The following PDE3B variants were observed in gnomAD, a reference collection of about 807,000 sequenced individuals.
The protein encoded by PDE3B is phosphodiesterase 3B, also known as cGMP-inhibited 3',5'-cyclic phosphodiesterase 3B.
A neutral mutation model predicts 116.8 loss-of-function variants in PDE3B; 66 were observed. The ratio of observed to expected loss-of-function variants is 0.56; its 90% CI spans 0.46 to 0.69. The LOEUF (loss-of-function observed/expected upper bound fraction) is 0.69, where lower values mean the gene tolerates loss of function less well. PDE3B is among the 30% of genes least tolerant of loss of function. The pLI is 0.00. For synonymous variants in PDE3B, 595 were observed against 533.6 expected, an observed-to-expected ratio of 1.12 and a Z score of -1.59; for missense variants, 1,384 against 1,368.1, an observed-to-expected ratio of 1.01 and a Z score of -0.18.
intron 1 of PDE3B, among the ~76,000 whole-genome samples, chr11:14,731,708 C>T (rs1345957097): frequency 6.6e-6 from 1 of 152,058 alleles, no homozygotes; most frequent in East Asian, 1.9e-4. Context: ...ATAAGTTAAG[C>T]GTTTTTGTTC....
chr11:14,758,981 T>C (rs1857274332), intron 1 of PDE3B, among the ~76,000 whole-genome samples: 1 of 151,888 alleles, frequency 6.6e-6, no homozygotes, highest in Non-Finnish European at 1.5e-5. Context: ...GCATGAAGGG[T>C]TGTTGAATTT....
intron 1 of PDE3B, among the ~76,000 whole-genome samples, chr11:14,683,313 G>C (rs1361893890): frequency 1.3e-5 from 2 of 150,968 alleles, no homozygotes; most frequent in African/African-American, 2.4e-5. Context: ...TTTTCTTTTT[G>C]TTTTTTTGGA....
chr11:14,686,745 G>A (rs1854886427), intron 1 of PDE3B, among the ~76,000 whole-genome samples: 1 of 151,790 alleles, frequency 6.6e-6, no homozygotes, highest in Non-Finnish European at 1.5e-5. Context: ...ACAGAGTCTC[G>A]CTGTGTCGCC....
chr11:14,697,299 T>C (rs1855234424), intron 1 of PDE3B, among the ~76,000 whole-genome samples: 1 of 152,154 alleles, frequency 6.6e-6, no homozygotes, highest in Admixed American at 6.6e-5. Context: ...CAATTGGGAT[T>C]AAGGTTTTTG....
chr11:14,644,207 G>T lies in PDE3B; in HGVS notation c.132G>T (p.Pro44=), dbSNP rs745516625. 588 of 1,594,688 alleles carry T rather than the reference G, an allele frequency of 3.7e-4. 2 individuals are homozygous for T. Among genetic ancestry groups the T allele is most frequent in the Non-Finnish European group, 4.7e-4 (551 of 1,176,996 alleles). Residue 44 remains proline, a synonymous_variant, in exon 1 of 16, where the codon CCG becomes CCT. Coordinates refer to ENST00000282096, the MANE Select transcript of PDE3B (RefSeq NM_000922.4). ...SCVSPLRQDP[P]RGFFFHLCRF... ...TGAGCCCCTTGCGGCAGGACCCTCCGCGCGGCTTCTTCTTCCACCTCTGCC... is the reference window on the plus strand; with the variant it reads ...TGAGCCCCTTGCGGCAGGACCCTCCTCGCGGCTTCTTCTTCCACCTCTGCC...
intron 1 of PDE3B, among the ~76,000 whole-genome samples, chr11:14,754,405 A>G (rs1857131282): frequency 6.6e-6 from 1 of 152,160 alleles, no homozygotes; most frequent in South Asian, 2.1e-4. Flanking sequence ...GTAATATGTA[A>G]GCTCTCATGT....
chr11:14,771,932 TC>T lies in PDE3B; in HGVS notation c.979-4del. 7.6e-7 allele frequency: 1 copy of T among 1,307,352 alleles called. No individual in the cohort carries two copies. Among genetic ancestry groups the T allele is most frequent in the Non-Finnish European group, 1.0e-6 (1 of 975,772 alleles). 81.0% of individuals were successfully genotyped at this position (1,307,352 alleles called of 1,614,324 possible). A position where few individuals can be genotyped will look rare whatever the true frequency, so the allele number is the denominator to read the frequency against. On this transcript the variant is annotated splice_region_variant and splice_polypyrimidine_tract_variant and intron_variant, in intron 1 of 15. Transcript: ENST00000282096. ...GTTTGTAACCAAGTGAATTTTTTTTTCTAGATGATTCTTTGGGATTGGGACT... is the reference window on the plus strand; with the variant it reads ...GTTTGTAACCAAGTGAATTTTTTTTTTAGATGATTCTTTGGGATTGGGACT...
downstream of PDE3B, chr11:14,872,124 T>C (rs1417559418): frequency 6.7e-6 from 1 of 149,754 alleles, no homozygotes; most frequent in African/African-American, 2.4e-5. Context: ...TACTTATTTT[T>C]ACAAGAAACC....
intron 7 of PDE3B, among the ~76,000 whole-genome samples, chr11:14,824,705 A>T (rs1398143016): frequency 6.6e-6 from 1 of 152,220 alleles, no homozygotes; most frequent in Non-Finnish European, 1.5e-5. Context: ...CCTGGAAAAC[A>T]TATTTCAGGA....
chr11:14,808,357 A>T (rs1459863250), intron 5 of PDE3B, among the ~76,000 whole-genome samples: 5 of 152,222 alleles, frequency 3.3e-5, no homozygotes, highest in African/African-American at 7.2e-5. Flanking sequence ...TTTTATGTAA[A>T]ATGTACGATT....
intron 7 of PDE3B, among the ~76,000 whole-genome samples, chr11:14,820,117 G>GT (rs1169601492): frequency 1.3e-5 from 2 of 151,706 alleles, no homozygotes; most frequent in Non-Finnish European, 2.9e-5. Flanking sequence ...CAATTTAATA[G>GT]TTTTTTGTTT....
chr11:14,687,768 T>A (rs575401664), intron 1 of PDE3B, among the ~76,000 whole-genome samples: 1 of 152,288 alleles, frequency 6.6e-6, no homozygotes, highest in East Asian at 1.9e-4. Context: ...TCACAGATCA[T>A]ATGGATGACA....
chr11:14,823,750 G>A (rs764193464), intron 7 of PDE3B, among the ~76,000 whole-genome samples: 19 of 152,180 alleles, frequency 1.2e-4, no homozygotes, highest in Non-Finnish European at 2.4e-4. Flanking sequence ...ACTAGGGACT[G>A]GAGTGTACCC....
intron 1 of PDE3B, among the ~76,000 whole-genome samples, chr11:14,769,795 A>ATT (rs565891950): frequency 7.5e-6 from 1 of 133,974 alleles, no homozygotes; most frequent in African/African-American, 2.7e-5. Flanking sequence ...AATTTTCAAG[A>ATT]TTTTTTTTTT....
At chr11:14,885,432 C>G in the PDE3B span, among the ~76,000 whole-genome samples, 3 of 152,106 alleles carry the variant, frequency 2.0e-5, no homozygotes, top group African/African-American at 7.2e-5. Flanking sequence ...AAAAATGTCA[C>G]CAAGTACTCA....
At chr11:14,716,072 G>T (rs1463046188) in intron 1 of PDE3B, among the ~76,000 whole-genome samples, 1 of 152,122 alleles carries the variant, frequency 6.6e-6, no homozygotes, top group Non-Finnish European at 1.5e-5. Flanking sequence ...CGCACCGTGC[G>T]CGAGCCGAAG....
chr11:14,891,670 C>T, the PDE3B span: 2 of 1,174,420 alleles, frequency 1.7e-6, no homozygotes, highest in South Asian at 2.2e-5. Flanking sequence ...GGCGGCGCGG[C>T]TGGCGAGCCA....
intron 10 of PDE3B, among the ~76,000 whole-genome samples, chr11:14,834,164 TATAGGCAAAAC>T (rs1859982735): frequency 6.6e-6 from 1 of 152,218 alleles, no homozygotes; most frequent in African/African-American, 2.4e-5. Flanking sequence ...ATGTCATATC[TATAGGCAAAAC>T]AATATTATTT....
At chr11:14,891,666 G>A in the PDE3B span, 4 of 1,165,098 alleles carry the variant, frequency 3.4e-6, no homozygotes, top group Non-Finnish European at 4.3e-6. Context: ...AAGTGGCGGC[G>A]CGGCTGGCGA....
Sources: gnomAD v4.1 joint callset for allele counts (sites outside exome capture counted in the v4.1 genomes callset) on GRCh38, gnomAD v4.1.1 for gene constraint, MANE v1.5 for transcripts, NCBI Gene and HGNC (gene_info 2026-07-23, HGNC 2026-07-21) for gene names.